Variants in CORO2A observed in about 807,000 individuals in gnomAD.
The protein encoded by CORO2A is coronin-2A.
CORO2A carries 47 observed loss-of-function variants against 62.4 expected under a neutral mutation model. The ratio of observed to expected loss-of-function variants is 0.75; its 90% CI spans 0.60 to 0.96. The LOEUF (loss-of-function observed/expected upper bound fraction) is 0.96. CORO2A is among the 40% of genes least tolerant of loss of function. The pLI is 0.00. For missense variants in CORO2A, 610 were observed against 684.1 expected (o/e 0.89, Z 1.21); for synonymous variants, 273 against 268.9 (o/e 1.02, Z -0.15).
At chr9:98,147,660 C>T (rs1587999856) in intron 2 of CORO2A, among the ~76,000 whole-genome samples, 1 of 152,198 alleles carries the variant, frequency 6.6e-6, no homozygotes, top group African/African-American at 2.4e-5. Context: ...AATATTTTAG[C>T]ATAAGGAGGT....
At chr9:98,125,811 G>A (rs1190933179) in intron 11 of CORO2A, among the ~76,000 whole-genome samples, 1 of 138,936 alleles carries the variant, frequency 7.2e-6, no homozygotes, top group Non-Finnish European at 1.5e-5. Flanking sequence ...TCTGCCTCCT[G>A]GGTTCAAGCA....
chr9:98,137,792 G>A (rs962820679), intron 2 of CORO2A, 104 bp from the exon 3 acceptor site: 7 of 852,440 alleles, frequency 8.2e-6, no homozygotes, highest in South Asian at 2.7e-5. Context: ...AAACATAAGG[G>A]ACAGAGCTGG....
intron 2 of CORO2A, among the ~76,000 whole-genome samples, chr9:98,156,034 C>T (rs1217187978): frequency 2.1e-5 from 3 of 146,056 alleles, no homozygotes; most frequent in African/African-American, 5.0e-5. Flanking sequence ...GTTTATTCTG[C>T]TGCTCTTTGT....
At chr9:98,183,880 G>A (rs992923342) in intron 1 of CORO2A, among the ~76,000 whole-genome samples, 1 of 152,346 alleles carries the variant, frequency 6.6e-6, no homozygotes, top group Middle Eastern at 3.4e-3. Flanking sequence ...AGAATCACTT[G>A]AACCCGGGAG....
At chr9:98,159,229 A>G (rs1319511009) in intron 1 of CORO2A, among the ~76,000 whole-genome samples, 1 of 151,960 alleles carries the variant, frequency 6.6e-6, no homozygotes, top group Non-Finnish European at 1.5e-5. Context: ...TGGCTAATTA[A>G]AAAAATTTTT....
rs1827396834 is a variant in CORO2A at position 98,130,992 on chromosome 9, T to C, written c.833A>G (p.Tyr278Cys). ...GTAGAGCATGCTGGTGTCCGCGTCA[T>C]AGAAGGGAAACAGCACGCCCGAGGA... ...DGSSGVLFPF[Y>C]DADTSMLYVV... The change falls in exon 7 of 12, where the codon TAT (tyrosine) becomes TGT (cysteine). Residue 278 changes from tyrosine to cysteine, a missense_variant. Coordinates refer to ENST00000375077, the MANE Select transcript of CORO2A (RefSeq NM_052820.4). 3 of 1,613,686 alleles carry C rather than the reference T, an allele frequency of 1.9e-6. No individual in the cohort carries two copies. Among genetic ancestry groups the C allele is most frequent in the South Asian group, 1.1e-5 (1 of 91,042 alleles).
intron 1 of CORO2A, among the ~76,000 whole-genome samples, chr9:98,170,496 C>T (rs1828019535): frequency 6.6e-6 from 1 of 152,174 alleles, no homozygotes; most frequent in Admixed American, 6.5e-5. Flanking sequence ...GGCTGGAGTG[C>T]AATGGCGTGA....
chr9:98,181,381 G>A (rs1325048001), intron 1 of CORO2A, among the ~76,000 whole-genome samples: 1 of 111,784 alleles, frequency 8.9e-6, no homozygotes. Context: ...TCACTATGTT[G>A]TCCAGGCTGG....
At chr9:98,131,567 C>T (rs1310226291) in intron 6 of CORO2A, among the ~76,000 whole-genome samples, 4 of 152,098 alleles carry the variant, frequency 2.6e-5, no homozygotes, top group Admixed American at 1.3e-4. Context: ...GATCCTCCCG[C>T]CATGGCCTTC....
chr9:98,174,952 G>A (rs1828089261), intron 1 of CORO2A, among the ~76,000 whole-genome samples: 1 of 152,064 alleles, frequency 6.6e-6, no homozygotes, highest in Admixed American at 6.6e-5. Flanking sequence ...ACTTTGCTAT[G>A]TATATATCAC....
At chr9:98,163,083 C>T (rs1037370444) in intron 1 of CORO2A, among the ~76,000 whole-genome samples, 1 of 152,262 alleles carries the variant, frequency 6.6e-6, no homozygotes, top group African/African-American at 2.4e-5. Flanking sequence ...TGATCCCATG[C>T]AGGCTTGGTG....
rs141427070 is a variant in CORO2A at position 98,183,789 on chromosome 9, A to C, written c.-1+8770T>G. 4.8e-3 allele frequency among the ~76,000 whole-genome samples: 734 copies of C among 152,172 alleles called. 6 individuals are homozygous for C. Among genetic ancestry groups the C allele is most frequent in the African/African-American group, 0.017 (695 of 41,522 alleles). On this transcript the variant is annotated intron_variant, in intron 1 of 11. Coordinates refer to ENST00000375077, the MANE Select transcript of CORO2A (RefSeq NM_052820.4). ...AGCCTGGCCAACATAGCGAAACCCCATCTCTACTAAAAATGTAAAAAATTA... is the reference window on the plus strand; with the variant it reads ...AGCCTGGCCAACATAGCGAAACCCCCTCTCTACTAAAAATGTAAAAAATTA...
chr9:98,148,534 G>GT (rs397753329), intron 2 of CORO2A, among the ~76,000 whole-genome samples: 1 of 151,700 alleles, frequency 6.6e-6, no homozygotes, highest in Non-Finnish European at 1.5e-5. Flanking sequence ...AAGCCCAGGG[G>GT]TTCAAGACCA....
At chr9:98,153,194 G>C (rs1827751431) in intron 2 of CORO2A, among the ~76,000 whole-genome samples, 1 of 148,752 alleles carries the variant, frequency 6.7e-6, no homozygotes, top group Non-Finnish European at 1.5e-5. Context: ...CTGCCTCCCG[G>C]GTTCAAGTGA....
intron 1 of CORO2A, among the ~76,000 whole-genome samples, chr9:98,160,191 T>C (rs1827865212): frequency 6.6e-6 from 1 of 152,154 alleles, no homozygotes; most frequent in Admixed American, 6.5e-5. Context: ...AATGTAGGGA[T>C]GGACTGACTA....
intron 1 of CORO2A, among the ~76,000 whole-genome samples, chr9:98,192,141 G>A (rs1215137950): frequency 1.3e-5 from 2 of 152,214 alleles, no homozygotes; most frequent in South Asian, 4.1e-4. Context: ...GCAGCCAAGA[G>A]GGGGAGGGTC....
At chr9:98,155,228 G>A (rs1827785967) in intron 2 of CORO2A, among the ~76,000 whole-genome samples, 1 of 151,828 alleles carries the variant, frequency 6.6e-6, no homozygotes, top group East Asian at 1.9e-4. Context: ...GGATTTTTCG[G>A]TACATTTTAT....
rs553041139 is a variant in CORO2A, at chr9:98,191,163, G to C, written c.-1+1396C>G. On this transcript the variant is annotated intron_variant, in intron 1 of 11. Coordinates refer to ENST00000375077, the MANE Select transcript of CORO2A (RefSeq NM_052820.4). ...TCCTAGAAACTGCTCCCTCAAACAG[G>C]GCAGGCATCAGGGAGGTGGAGAAGA... Among the ~76,000 whole-genome samples, 7 of 152,356 alleles carry C rather than the reference G, an allele frequency of 4.6e-5. No individual in the cohort carries two copies. In the East Asian group the frequency reaches 1.4e-3, roughly 29 times the overall value.
At chr9:98,163,742 G>GTGTGT (rs60563416) in intron 1 of CORO2A, among the ~76,000 whole-genome samples, 2 of 83,840 alleles carry the variant, frequency 2.4e-5, no homozygotes, top group African/African-American at 7.0e-5. Flanking sequence ...GTGTGTGTGT[G>GTGTGT]AGAGAGAGAG....
Sources: gnomAD v4.1 joint callset for allele counts (sites outside exome capture counted in the v4.1 genomes callset) on GRCh38, gnomAD v4.1.1 for gene constraint, MANE v1.5 for transcripts, NCBI Gene and HGNC (gene_info 2026-07-23, HGNC 2026-07-21) for gene names.